ATRNL1: variants seen among roughly 807,000 people sequenced by gnomAD.
ATRNL1 encodes the protein attractin-like protein 1.
ATRNL1 carries 95 observed loss-of-function variants against 182.7 expected under a neutral mutation model. The observed-to-expected ratio is 0.52, with a 90% confidence interval of 0.44 to 0.62. The LOEUF is 0.62. ATRNL1 is among the 20% of genes least tolerant of loss of function. ATRNL1 has a pLI of 0.00. For missense variants in ATRNL1, 1,471 were observed against 1,679.5 expected, an observed-to-expected ratio of 0.88 and a Z score of 2.17; for synonymous variants, 576 against 568.3, an observed-to-expected ratio of 1.01 and a Z score of -0.19.
chr10:115,531,089 T>C (rs1350914055), intron 25 of ATRNL1, among the ~76,000 whole-genome samples: 4 of 151,996 alleles, frequency 2.6e-5, no homozygotes, highest in South Asian at 2.1e-4. Context: ...AATAAACATA[T>C]GTGTGCATGT....
chr10:115,191,757 T>G lies in ATRNL1; in HGVS notation c.1348+20465T>G, dbSNP rs576803386. On this transcript the variant is annotated intron_variant, in intron 8 of 28. Coordinates refer to ENST00000355044, the MANE Select transcript of ATRNL1 (RefSeq NM_207303.4). The stretch of plus-strand genomic sequence containing the variant: ...GAAGGTGCCTTCCTTCCCCTTCCCC[T>G]TCCGCCATGATTGCAAGTTCCCTGA... 1.5e-3 allele frequency among the ~76,000 whole-genome samples: 223 copies of G among 152,184 alleles called. 2 individuals are homozygous for G. The highest frequency in any genetic ancestry group is 5.3e-3 in the African/African-American group (220 of 41,534).
chr10:115,598,465 G>A (rs1403044477), intron 26 of ATRNL1, among the ~76,000 whole-genome samples: 4 of 151,372 alleles, frequency 2.6e-5, no homozygotes, highest in Non-Finnish European at 5.9e-5. Flanking sequence ...CCAGGTTGAA[G>A]CAATTCTCCT....
intron 19 of ATRNL1, among the ~76,000 whole-genome samples, chr10:115,388,868 A>G (rs1239157695): frequency 6.6e-6 from 1 of 152,008 alleles, no homozygotes; most frequent in Non-Finnish European, 1.5e-5. Context: ...GTGGGGTAAA[A>G]TGTGGCATTT....
intron 26 of ATRNL1, among the ~76,000 whole-genome samples, chr10:115,576,325 A>C (rs1555005184): frequency 6.6e-6 from 1 of 152,046 alleles, no homozygotes; most frequent in African/African-American, 2.4e-5. Context: ...TACTGTTTTC[A>C]ATAATAGCCA....
intron 19 of ATRNL1, among the ~76,000 whole-genome samples, chr10:115,364,599 G>A (rs1288227908): frequency 2.0e-5 from 3 of 149,348 alleles, no homozygotes; most frequent in Non-Finnish European, 4.5e-5. Flanking sequence ...TCTTGTGCCA[G>A]TTTTCAAAGG....
At chr10:115,669,432 T>C (rs1052844464) in intron 26 of ATRNL1, among the ~76,000 whole-genome samples, 1 of 152,170 alleles carries the variant, frequency 6.6e-6, no homozygotes, top group Non-Finnish European at 1.5e-5. Flanking sequence ...CTATAATAAA[T>C]TTTTATGACT....
At chr10:115,734,316 A>C (rs1225931892) in intron 27 of ATRNL1, among the ~76,000 whole-genome samples, 1 of 152,094 alleles carries the variant, frequency 6.6e-6, no homozygotes, top group East Asian at 1.9e-4. Flanking sequence ...ATTTTCATGC[A>C]TCCTTGTCAA....
intron 8 of ATRNL1, among the ~76,000 whole-genome samples, chr10:115,203,724 A>G (rs909617541): frequency 6.7e-6 from 1 of 149,344 alleles, no homozygotes; most frequent in Admixed American, 6.7e-5. Flanking sequence ...GGACTGCAGA[A>G]GTGCACCACC....
At chr10:115,147,220 T>C (rs1846013533) in intron 5 of ATRNL1, among the ~76,000 whole-genome samples, 1 of 152,092 alleles carries the variant, frequency 6.6e-6, no homozygotes, top group African/African-American at 2.4e-5. Flanking sequence ...TCCCTGGTGA[T>C]TGGTGATGTT....
At chr10:115,254,666 T>G (rs1851038713) in intron 10 of ATRNL1, among the ~76,000 whole-genome samples, 1 of 152,252 alleles carries the variant, frequency 6.6e-6, no homozygotes, top group South Asian at 2.1e-4. Context: ...CAATTTTGGC[T>G]TTTGTTGCCA....
chr10:115,366,229 T>C (rs376245278), intron 19 of ATRNL1, among the ~76,000 whole-genome samples: 1 of 152,180 alleles, frequency 6.6e-6, no homozygotes, highest in African/African-American at 2.4e-5. Context: ...ATATTTAGGA[T>C]AGTTAGCTCT....
chr10:115,907,262 G>A (rs1952532237), intron 28 of ATRNL1, among the ~76,000 whole-genome samples: 2 of 152,224 alleles, frequency 1.3e-5, no homozygotes, highest in Non-Finnish European at 2.9e-5. Context: ...GCGGTAGCAA[G>A]CTGATGAGAT....
At chr10:115,189,585 A>G (rs1370842686) in intron 8 of ATRNL1, among the ~76,000 whole-genome samples, 3 of 152,104 alleles carry the variant, frequency 2.0e-5, no homozygotes, top group Non-Finnish European at 4.4e-5. Flanking sequence ...AAAAATAGGA[A>G]AAAGCTTATA....
intron 20 of ATRNL1, among the ~76,000 whole-genome samples, chr10:115,418,821 G>T (rs1426599973): frequency 2.6e-5 from 4 of 152,152 alleles, no homozygotes; most frequent in African/African-American, 9.7e-5. Flanking sequence ...GAAACTACCT[G>T]CCAACCAAGA....
chr10:115,930,935 C>A (rs553872107), intron 28 of ATRNL1, among the ~76,000 whole-genome samples: 1 of 152,268 alleles, frequency 6.6e-6, no homozygotes, highest in East Asian at 1.9e-4. Flanking sequence ...CTATTTCCAA[C>A]TCCTGAAAGT....
chr10:115,357,773 G>T (rs1592513825), intron 19 of ATRNL1, among the ~76,000 whole-genome samples: 1 of 151,576 alleles, frequency 6.6e-6, no homozygotes, highest in African/African-American at 2.4e-5. Context: ...TAACAGTACA[G>T]CCTATTTTAT....
intron 26 of ATRNL1, among the ~76,000 whole-genome samples, chr10:115,560,390 T>C (rs1853627291): frequency 6.6e-6 from 1 of 152,190 alleles, no homozygotes; most frequent in Non-Finnish European, 1.5e-5. Context: ...TTCAGTTACC[T>C]TCCACTGGGT....
At chr10:115,451,907 A>G (rs1027002815) in intron 21 of ATRNL1, among the ~76,000 whole-genome samples, 1 of 152,210 alleles carries the variant, frequency 6.6e-6, no homozygotes, top group Non-Finnish European at 1.5e-5. Flanking sequence ...TGGTATGCAT[A>G]AACCATGGAA....
chr10:115,703,018 A>G (rs750213013), intron 26 of ATRNL1, among the ~76,000 whole-genome samples: 1 of 151,980 alleles, frequency 6.6e-6, no homozygotes, highest in Admixed American at 6.6e-5. Context: ...CTATACTACA[A>G]GAGTACAGTA....
Sources: allele counts gnomAD v4.1 joint callset (sites outside exome capture counted in the v4.1 genomes callset), GRCh38; gene constraint gnomAD v4.1.1; transcripts MANE v1.5; gene names NCBI Gene and HGNC (gene_info 2026-07-23, HGNC 2026-07-21).